CNTNAP5: variants seen among roughly 807,000 people sequenced by gnomAD.
CNTNAP5 encodes contactin associated protein family member 5.
CNTNAP5 carries 72 observed loss-of-function variants against 150.2 expected under a neutral mutation model. The ratio of observed to expected loss-of-function variants is 0.48; its 90% CI spans 0.40 to 0.58. CNTNAP5 has a LOEUF of 0.58. Ranked by LOEUF, CNTNAP5 falls within the 20% of genes least tolerant of loss-of-function variation. The pLI is 0.00. For missense variants in CNTNAP5, 1,636 were observed against 1,626.2 expected, an observed-to-expected ratio of 1.01 and a Z score of -0.10; for synonymous variants, 672 against 619.8, an observed-to-expected ratio of 1.08 and a Z score of -1.25.
At chr2:124,062,925 G>A (rs566292611) in intron 1 of CNTNAP5, among the ~76,000 whole-genome samples, 2 of 152,208 alleles carry the variant, frequency 1.3e-5, no homozygotes, top group Admixed American at 6.5e-5. Context: ...TAGAGTCTGG[G>A]AGAGTATATC....
intron 1 of CNTNAP5, among the ~76,000 whole-genome samples, chr2:124,164,130 CA>C (rs1684754276): frequency 6.6e-6 from 1 of 152,206 alleles, no homozygotes. Context: ...TGAAGTCTTT[CA>C]GCCATTCATT....
intron 1 of CNTNAP5, among the ~76,000 whole-genome samples, chr2:124,061,773 T>C (rs141834063): frequency 6.6e-6 from 1 of 152,330 alleles, no homozygotes; most frequent in East Asian, 1.9e-4. Flanking sequence ...GCCTTCCCAG[T>C]TGGCCCAAAT....
chr2:124,287,527 C>T (rs1835351), intron 3 of CNTNAP5, among the ~76,000 whole-genome samples: 48,883 of 151,920 alleles, frequency 0.32, 8,108 homozygotes, highest in South Asian at 0.51. Context: ...TTAGACCATC[C>T]GTATGTTTAA....
At chr2:124,497,948 C>T (rs1200755464) in intron 7 of CNTNAP5, among the ~76,000 whole-genome samples, 1 of 152,216 alleles carries the variant, frequency 6.6e-6, no homozygotes, top group Non-Finnish European at 1.5e-5. Flanking sequence ...GACTTAACTA[C>T]TACTGTGTTC....
chr2:124,061,191 C>T (rs62161936), intron 1 of CNTNAP5, among the ~76,000 whole-genome samples: 3,705 of 152,266 alleles, frequency 0.024, 83 homozygotes, highest in Non-Finnish European at 0.04. Flanking sequence ...TCGGTATTTG[C>T]CTTGTTACTG....
intron 1 of CNTNAP5, among the ~76,000 whole-genome samples, chr2:124,165,449 CCTT>C (rs1376633779): frequency 6.6e-6 from 1 of 152,154 alleles, no homozygotes; most frequent in African/African-American, 2.4e-5. Context: ...CACGGTTTCT[CCTT>C]CTGTGAAATG....
At chr2:124,903,931 G>A (rs1383811788) in intron 22 of CNTNAP5, among the ~76,000 whole-genome samples, 1 of 151,944 alleles carries the variant, frequency 6.6e-6, no homozygotes, top group African/African-American at 2.4e-5. Context: ...GTGGGCACCT[G>A]TAATTCCAGC....
chr2:124,115,892 C>T (rs1234275992), intron 1 of CNTNAP5, among the ~76,000 whole-genome samples: 1 of 151,620 alleles, frequency 6.6e-6, no homozygotes, highest in East Asian at 1.9e-4. Flanking sequence ...ATTCTTCTGC[C>T]TCAGTCTCTC....
intron 3 of CNTNAP5, among the ~76,000 whole-genome samples, chr2:124,264,980 G>C (rs566095065): frequency 1.3e-5 from 2 of 152,192 alleles, no homozygotes; most frequent in Non-Finnish European, 2.9e-5. Flanking sequence ...CACATGAAGC[G>C]TCAGTAACAC....
chr2:124,158,218 A>G (rs767104752), intron 1 of CNTNAP5, among the ~76,000 whole-genome samples: 1 of 152,164 alleles, frequency 6.6e-6, no homozygotes, highest in Non-Finnish European at 1.5e-5. Flanking sequence ...CTTGGAAAAC[A>G]TTATCCATAG....
intron 13 of CNTNAP5, among the ~76,000 whole-genome samples, chr2:124,656,344 C>T (rs896010560): frequency 2.0e-5 from 3 of 152,020 alleles, no homozygotes; most frequent in Non-Finnish European, 4.4e-5. Flanking sequence ...TCCATTTTTT[C>T]CCGTGAGGGA....
At chr2:124,187,178 T>G (rs895934975) in intron 1 of CNTNAP5, among the ~76,000 whole-genome samples, 8 of 152,094 alleles carry the variant, frequency 5.3e-5, no homozygotes, top group African/African-American at 1.9e-4. Context: ...AAAGAAAAGG[T>G]AGCAAAAAGA....
At chr2:124,048,840 G>A (rs983360342) in intron 1 of CNTNAP5, among the ~76,000 whole-genome samples, 2 of 152,186 alleles carry the variant, frequency 1.3e-5, no homozygotes, top group Non-Finnish European at 2.9e-5. Context: ...TAAGTATACA[G>A]CAGAAATTGG....
At chr2:124,715,004 G>A (rs1679914779) in intron 13 of CNTNAP5, among the ~76,000 whole-genome samples, 1 of 152,144 alleles carries the variant, frequency 6.6e-6, no homozygotes, top group East Asian at 1.9e-4. Flanking sequence ...AGGGATGAGG[G>A]AAGACAGGAC....
intron 1 of CNTNAP5, among the ~76,000 whole-genome samples, chr2:124,162,039 A>C (rs576610799): frequency 6.6e-6 from 1 of 152,340 alleles, no homozygotes; most frequent in Admixed American, 6.5e-5. Flanking sequence ...TGATTGTGGC[A>C]AAGCTCATTC....
chr2:124,663,091 A>G (rs925146080), intron 13 of CNTNAP5, among the ~76,000 whole-genome samples: 1 of 152,212 alleles, frequency 6.6e-6, no homozygotes, highest in Non-Finnish European at 1.5e-5. Context: ...GGTTATTACC[A>G]AGGAACAAAC....
chr2:124,728,362 A>C (rs1157389528), intron 13 of CNTNAP5, among the ~76,000 whole-genome samples: 1 of 152,026 alleles, frequency 6.6e-6, no homozygotes, highest in Non-Finnish European at 1.5e-5. Flanking sequence ...AAGGATTGAC[A>C]CTAGTTCTTT....
chr2:124,490,868 A>C (rs2104849407), intron 7 of CNTNAP5, among the ~76,000 whole-genome samples: 1 of 152,258 alleles, frequency 6.6e-6, no homozygotes, highest in Non-Finnish European at 1.5e-5. Flanking sequence ...CTGTTTTAAA[A>C]AAAATTTTTT....
At chr2:124,500,758 T>A (rs1239048481) in intron 7 of CNTNAP5, among the ~76,000 whole-genome samples, 1 of 152,068 alleles carries the variant, frequency 6.6e-6, no homozygotes, top group African/African-American at 2.4e-5. Flanking sequence ...GCCCAGCACT[T>A]CTGAACATCT....
Sources: gnomAD v4.1 joint callset for allele counts (sites outside exome capture counted in the v4.1 genomes callset) on GRCh38, gnomAD v4.1.1 for gene constraint, MANE v1.5 for transcripts, NCBI Gene and HGNC (gene_info 2026-07-23, HGNC 2026-07-21) for gene names.